Variants in PCDH7 observed in about 807,000 individuals in gnomAD.
PCDH7 encodes protocadherin-7.
Under a neutral mutation model 58.9 loss-of-function variants are expected in PCDH7, and 17 were observed. That is an observed-to-expected ratio of 0.29 (90% confidence interval 0.20 to 0.43). PCDH7 has a LOEUF of 0.43. Among genes scored for constraint, PCDH7 ranks in the 20% least tolerant of loss-of-function variants. The pLI, the probability that PCDH7 is intolerant of heterozygous loss-of-function variation, is 1.00. For missense variants in PCDH7, 1,274 were observed against 1,441.0 expected (o/e 0.88, Z 1.88); for synonymous variants, 664 against 616.4 (o/e 1.08, Z -1.14).
chr4:30,997,509 T>C (rs1457532929), intron 3 of PCDH7, among the ~76,000 whole-genome samples: 2 of 152,148 alleles, frequency 1.3e-5, no homozygotes, highest in African/African-American at 4.8e-5. Context: ...AGTAAAATCG[T>C]TAAAACTGAG....
intron 1 of PCDH7, among the ~76,000 whole-genome samples, chr4:30,839,493 T>C (rs999481250): frequency 2.6e-5 from 4 of 152,172 alleles, no homozygotes; most frequent in African/African-American, 9.7e-5. Flanking sequence ...ATAATAATTA[T>C]TGGCATCCTA....
At chr4:30,901,763 A>G (rs1284277738) in intron 1 of PCDH7, among the ~76,000 whole-genome samples, 1 of 152,204 alleles carries the variant, frequency 6.6e-6, no homozygotes. Context: ...AGTGGCTAGA[A>G]TAATTGACTT....
intron 1 of PCDH7, among the ~76,000 whole-genome samples, chr4:30,856,703 A>ATAT (rs1234243471): frequency 2.0e-5 from 3 of 148,506 alleles, no homozygotes; most frequent in African/African-American, 7.5e-5. Flanking sequence ...GAAAAAAAAA[A>ATAT]AAAAATATAT....
At chr4:30,924,293 T>G (rs1254013772) in intron 2 of PCDH7, among the ~76,000 whole-genome samples, 1 of 152,188 alleles carries the variant, frequency 6.6e-6, no homozygotes, top group African/African-American at 2.4e-5. Flanking sequence ...AATTTTGCCA[T>G]CAGCATTGGG....
chr4:30,722,564 T>G lies in PCDH7; in HGVS notation c.1142T>G (p.Leu381Arg). 6.2e-7 allele frequency: 1 copy of G among 1,612,762 alleles called. No homozygotes were observed. Among genetic ancestry groups the G allele is most frequent in the African/African-American group, 1.3e-5 (1 of 75,058 alleles). ...ATCGACCGCGAGGAGGTGAACCAGC[T>G]GCGCTTCACGGTCATGGCCCGCGAC... is the stretch of plus-strand genomic sequence containing the variant. Residue 381 changes from leucine (L) to arginine (R), a missense_variant, in exon 1 of 2, where the codon CTG (leucine) becomes CGG (arginine). Leu to Arg is a moderately radical substitution (Grantham distance 102). This residue lies in a region of PCDH7 where 331 missense variants were observed against 303.2 expected (regional missense o/e 1.09). Transcript: ENST00000361762. The surrounding 1 kb of genome is among the most constrained non-coding windows in gnomAD (Gnocchi z 7.6).
intron 1 of PCDH7, among the ~76,000 whole-genome samples, chr4:30,878,441 G>A (rs577261499): frequency 6.6e-6 from 1 of 152,054 alleles, no homozygotes; most frequent in Non-Finnish European, 1.5e-5. Flanking sequence ...GAGGGAGAAT[G>A]GTAGAATGAA....
intron 1 of PCDH7, among the ~76,000 whole-genome samples, chr4:30,764,987 G>C (rs1720528140): frequency 6.6e-6 from 1 of 151,866 alleles, no homozygotes; most frequent in Non-Finnish European, 1.5e-5. Context: ...CCAAAGTGCT[G>C]GGATTACAGA....
chr4:30,855,357 T>C lies in PCDH7; in HGVS notation c.71-64796T>C, dbSNP rs144781087. ...TCCTGGTCCTTTTCTAAGACATCAG[T>C]TGCTCATTGCCCCTTTCCCCAGATC... is the stretch of plus-strand genomic sequence containing the variant. On this transcript the variant is annotated intron_variant, in intron 1 of 3. Coordinates refer to the PCDH7 transcript ENST00000509759. 1.5e-3 allele frequency among the ~76,000 whole-genome samples: 222 copies of C among 152,298 alleles called. 1 individual carries two copies. The highest frequency in any genetic ancestry group is 5.1e-3 in the African/African-American group (213 of 41,584).
chr4:30,896,900 T>C (rs1739480488), intron 1 of PCDH7, among the ~76,000 whole-genome samples: 1 of 96,026 alleles, frequency 1.0e-5, no homozygotes, highest in East Asian at 3.0e-4. Context: ...TTTTTTTTTT[T>C]TTTTTTTTTT....
At position 31,106,019 on chromosome 4, in the gene PCDH7, A is replaced by AT. The variant is rs1553852432; in HGVS notation, c.*8-36454_*8-36453insT. 3.5e-4 allele frequency among the ~76,000 whole-genome samples: 39 copies of AT among 112,104 alleles called. No individual in the cohort carries two copies. The East Asian group carries it at 6.5e-3, about 19-fold the overall frequency. 73.5% of individuals were successfully genotyped at this position (112,104 alleles called of 152,430 possible). ...AAGATTATGTCTCAAAAAAAGAAAA[A>AT]AAAAATATATATATATATGTATATA... On this transcript the variant is annotated intron_variant, in intron 3 of 3. Transcript: ENST00000509759.
At chr4:31,112,443 TA>T (rs755055162) in intron 3 of PCDH7, among the ~76,000 whole-genome samples, 3 of 152,224 alleles carry the variant, frequency 2.0e-5, no homozygotes, top group Non-Finnish European at 4.4e-5. Context: ...AAATTTATAA[TA>T]TTTAATAATT....
chr4:30,769,660 C>T (rs946126973), intron 1 of PCDH7, among the ~76,000 whole-genome samples: 1 of 152,088 alleles, frequency 6.6e-6, no homozygotes, highest in Non-Finnish European at 1.5e-5. Context: ...TTAAGATCCA[C>T]CCTGTTGTGA....
intron 1 of PCDH7, among the ~76,000 whole-genome samples, chr4:30,901,618 A>G (rs1240268117): frequency 2.0e-5 from 3 of 152,168 alleles, no homozygotes; most frequent in Non-Finnish European, 4.4e-5. Context: ...TACAACCCAC[A>G]TGATGGAAGG....
chr4:30,830,545 G>A lies in PCDH7; in HGVS notation c.71-89608G>A, dbSNP rs867201297. Among the ~76,000 whole-genome samples, 8 of 151,482 alleles carry A rather than the reference G, an allele frequency of 5.3e-5. No individual in the cohort carries two copies. In the East Asian group the frequency reaches 1.4e-3, roughly 26 times the overall value. On this transcript the variant is annotated intron_variant, in intron 1 of 3. Coordinates refer to the PCDH7 transcript ENST00000509759. Reference sequence around the variant, plus strand: ...TTCACGCTCCTTTTGCTTTCCTTCCGTGTCTGGCTCTCATTTCCTCAGTTT... The same window carrying A: ...TTCACGCTCCTTTTGCTTTCCTTCCATGTCTGGCTCTCATTTCCTCAGTTT...
At chr4:30,858,135 A>G (rs1225181595) in intron 1 of PCDH7, among the ~76,000 whole-genome samples, 1 of 152,172 alleles carries the variant, frequency 6.6e-6, no homozygotes, top group African/African-American at 2.4e-5. Context: ...GCCATACATC[A>G]CCAGTAATGC....
intron 3 of PCDH7, among the ~76,000 whole-genome samples, chr4:31,029,440 G>C (rs1754713560): frequency 6.6e-6 from 1 of 152,198 alleles, no homozygotes. Context: ...CAAAGTGTTG[G>C]ATTAGAGTGG....
chr4:31,069,865 T>TTGTTGG (rs879494393), intron 3 of PCDH7, among the ~76,000 whole-genome samples: 42 of 151,530 alleles, frequency 2.8e-4, no homozygotes, highest in Admixed American at 1.3e-3. Flanking sequence ...AATCTCAAAT[T>TTGTTGG]TTCTCCACTT....
At chr4:30,996,877 A>G (rs950873092) in intron 3 of PCDH7, among the ~76,000 whole-genome samples, 2 of 152,218 alleles carry the variant, frequency 1.3e-5, no homozygotes, top group Non-Finnish European at 2.9e-5. Flanking sequence ...GTCTTTTAAC[A>G]TATTATACTC....
chr4:30,756,813 C>G (rs1719367827), intron 1 of PCDH7, among the ~76,000 whole-genome samples: 1 of 152,160 alleles, frequency 6.6e-6, no homozygotes, highest in Non-Finnish European at 1.5e-5. Flanking sequence ...TGGAGTCTTC[C>G]TTTGTACGTA....
Sources: gnomAD v4.1 joint callset for allele counts (sites outside exome capture counted in the v4.1 genomes callset) on GRCh38, gnomAD v4.1.1 for gene constraint, gnomAD v4.1.1 regional missense constraint, Gnocchi (gnomAD v3.1) non-coding constraint, MANE v1.5 for transcripts, NCBI Gene and HGNC (gene_info 2026-07-23, HGNC 2026-07-21) for gene names.